The following WIPF1 variants were observed in gnomAD, a reference collection of about 807,000 sequenced individuals.
WIPF1 encodes WAS/WASL-interacting protein family member 1.
WIPF1 carries 13 observed loss-of-function variants against 35.4 expected under a neutral mutation model. That is an observed-to-expected ratio of 0.37 (90% CI 0.24 to 0.58). WIPF1 has a LOEUF of 0.58. WIPF1 is among the 20% of genes least tolerant of loss of function. The pLI, the probability that WIPF1 is intolerant of heterozygous loss-of-function variation, is 0.74. For synonymous variants in WIPF1, 267 were observed against 266.3 expected, an observed-to-expected ratio of 1.00 and a Z score of -0.02; for missense variants, 591 against 667.0, an observed-to-expected ratio of 0.89 and a Z score of 1.25.
At chr2:174,605,372 A>G (rs1242682089) in intron 1 of WIPF1, among the ~76,000 whole-genome samples, 1 of 152,176 alleles carries the variant, frequency 6.6e-6, no homozygotes, top group African/African-American at 2.4e-5. Context: ...CGGAAGGCGG[A>G]GGTTACAGTG....
At chr2:174,565,796 T>A (rs893492477) in intron 7 of WIPF1, among the ~76,000 whole-genome samples, 2 of 152,230 alleles carry the variant, frequency 1.3e-5, no homozygotes, top group Non-Finnish European at 2.9e-5. Flanking sequence ...GGAATTTGGC[T>A]CTGAGGCTAA....
intron 7 of WIPF1, among the ~76,000 whole-genome samples, chr2:174,564,476 A>G (rs1684582582): frequency 6.6e-6 from 1 of 152,098 alleles, no homozygotes; most frequent in South Asian, 2.1e-4. Context: ...TTAAAAAGAA[A>G]TACTTGAAAA....
At chr2:174,669,829 T>C (rs1254304256) in intron 1 of WIPF1, among the ~76,000 whole-genome samples, 2 of 152,218 alleles carry the variant, frequency 1.3e-5, no homozygotes, top group African/African-American at 4.8e-5. Flanking sequence ...TGAGTTATGA[T>C]TGTGCCACTG....
chr2:174,615,263 G>T (rs1011178033), intron 1 of WIPF1, among the ~76,000 whole-genome samples: 2 of 151,982 alleles, frequency 1.3e-5, no homozygotes, highest in African/African-American at 4.8e-5. Flanking sequence ...TTTGCCTCAA[G>T]GATAACTCCT....
At chr2:174,611,039 C>T (rs1164869110) in intron 1 of WIPF1, among the ~76,000 whole-genome samples, 1 of 152,208 alleles carries the variant, frequency 6.6e-6, no homozygotes, top group Non-Finnish European at 1.5e-5. Flanking sequence ...GCTAGGGCTC[C>T]ATGCACAGCA....
chr2:174,613,387 G>A (rs1686410890), intron 1 of WIPF1, among the ~76,000 whole-genome samples: 1 of 152,112 alleles, frequency 6.6e-6, no homozygotes. Context: ...AACCTCTTTT[G>A]AGCACAGGTC....
At chr2:174,615,232 G>A (rs1686471084) in intron 1 of WIPF1, among the ~76,000 whole-genome samples, 1 of 152,090 alleles carries the variant, frequency 6.6e-6, no homozygotes, top group Admixed American at 6.5e-5. Context: ...TTGATAAAAG[G>A]ATGGGTCAAT....
chr2:174,589,815 T>C (rs932788908), intron 1 of WIPF1, among the ~76,000 whole-genome samples: 2 of 152,256 alleles, frequency 1.3e-5, no homozygotes, highest in South Asian at 4.1e-4. Context: ...TTTAGATCCA[T>C]TGCTAGATCT....
chr2:174,662,336 C>T (rs184427724), intron 1 of WIPF1, among the ~76,000 whole-genome samples: 1 of 152,302 alleles, frequency 6.6e-6, no homozygotes, highest in East Asian at 1.9e-4. Flanking sequence ...GGCTGGACTG[C>T]GGATGTAGAG....
chr2:174,673,822 A>AC (rs1688071363), intron 1 of WIPF1: 1 of 105,858 alleles, frequency 9.4e-6, no homozygotes, highest in African/African-American at 3.6e-5. Context: ...AAACACTAAT[A>AC]TTAAAAAAAA....
intron 1 of WIPF1, among the ~76,000 whole-genome samples, chr2:174,612,286 T>C (rs2105900869): frequency 6.6e-6 from 1 of 152,348 alleles, no homozygotes; most frequent in South Asian, 2.1e-4. Context: ...TTTGTGTTTG[T>C]ATTTAAAATG....
At chr2:174,651,501 G>A (rs1458756052) in intron 1 of WIPF1, among the ~76,000 whole-genome samples, 3 of 152,156 alleles carry the variant, frequency 2.0e-5, no homozygotes, top group Non-Finnish European at 2.9e-5. Flanking sequence ...GCTTGGTTTT[G>A]TTGCCTCTCA....
chr2:174,619,034 A>G (rs1686598266), intron 1 of WIPF1, among the ~76,000 whole-genome samples: 1 of 151,998 alleles, frequency 6.6e-6, no homozygotes, highest in African/African-American at 2.4e-5. Flanking sequence ...AATCACTGCA[A>G]CCTCAACCTC....
At chr2:174,668,594 G>A (rs1276900611) in intron 1 of WIPF1, among the ~76,000 whole-genome samples, 1 of 152,164 alleles carries the variant, frequency 6.6e-6, no homozygotes, top group Non-Finnish European at 1.5e-5. Context: ...CATTTAGAAT[G>A]TATGTCTATG....
intron 1 of WIPF1, among the ~76,000 whole-genome samples, chr2:174,635,345 G>T (rs985767936): frequency 5.3e-5 from 8 of 152,072 alleles, no homozygotes; most frequent in African/African-American, 1.9e-4. Context: ...TCCTGGCAGC[G>T]TGTGAGTCCT....
In WIPF1 at chr2:174,562,591, G is replaced by A. The variant is rs764306764; in HGVS notation, c.1468C>T (p.Arg490Ter). The A allele has an allele frequency of 6.8e-6, 11 of 1,613,962 alleles. No individual in the cohort carries two copies. Among genetic ancestry groups the A allele is most frequent in the East Asian group, 2.2e-5 (1 of 44,894 alleles). Residue 490 changes from arginine (R) to a stop codon, truncating the protein, a stop_gained, in exon 8 of 8, where the codon CGA becomes TGA. Transcript: ENST00000679041. LOFTEE classifies it high-confidence loss of function. Reference sequence around the variant, plus strand: ...AGTGGTGGAGCACCCCTTTCTCTTCGGTTGGATCCACCTTGGTGAAAAAAC... The same window carrying A: ...AGTGGTGGAGCACCCCTTTCTCTTCAGTTGGATCCACCTTGGTGAAAAAAC... ...ARNESRSGSNRRERGAPPLPP... is the reference protein window; with the variant it reads ...ARNESRSGSN
chr2:174,647,809 C>T (rs912846101), intron 1 of WIPF1, among the ~76,000 whole-genome samples: 2 of 152,098 alleles, frequency 1.3e-5, no homozygotes, highest in African/African-American at 4.8e-5. Flanking sequence ...AAGGTGGCTA[C>T]AAAGAATTTT....
chr2:174,654,912 G>A (rs1009049268), intron 1 of WIPF1, among the ~76,000 whole-genome samples: 1 of 152,170 alleles, frequency 6.6e-6, no homozygotes, highest in Admixed American at 6.5e-5. Context: ...GTATGTGAGA[G>A]GCAAGGAAGC....
chr2:174,567,831 A>G (rs371289527), intron 6 of WIPF1, 30 bp downstream of exon 6: 14 of 1,530,624 alleles, frequency 9.1e-6, no homozygotes, highest in Admixed American at 4.3e-5. Flanking sequence ...TTGCTGCCCT[A>G]TAGCCCAGGG....
Sources: allele counts gnomAD v4.1 joint callset (sites outside exome capture counted in the v4.1 genomes callset), GRCh38; gene constraint gnomAD v4.1.1; transcripts MANE v1.5; gene names NCBI Gene and HGNC (gene_info 2026-07-23, HGNC 2026-07-21).